Variants in EDA observed in about 807,000 individuals in gnomAD.
The protein encoded by EDA is ectodysplasin A.
Under a neutral mutation model 23.6 loss-of-function variants are expected in EDA, and 2 were observed. That is an observed-to-expected ratio of 0.08 (90% CI 0.03 to 0.27). The LOEUF is 0.27. Among genes scored for constraint, EDA ranks in the 10% least tolerant of loss-of-function variants. EDA has a pLI of 1.00. For missense variants in EDA, 229 were observed against 324.2 expected, an observed-to-expected ratio of 0.71 and a Z score of 2.26; for synonymous variants, 131 against 132.0, an observed-to-expected ratio of 0.99 and a Z score of 0.05.
At chrX:70,032,542 C>A (rs191483151) in intron 6 of EDA, among the ~76,000 whole-genome samples, 4 of 111,686 alleles carry the variant, frequency 3.6e-5, no homozygotes, top group Non-Finnish European at 3.8e-5. Flanking sequence ...GTCCTCCTCT[C>A]ATGGTGGGAA....
intron 1 of EDA, among the ~76,000 whole-genome samples, chrX:69,828,114 A>G: frequency 9.0e-6 from 1 of 110,938 alleles, no homozygotes; most frequent in Non-Finnish European, 1.9e-5. Flanking sequence ...GCTGTCAGAC[A>G]GGGACATTTA....
At chrX:69,697,965 G>A (rs891544179) in intron 1 of EDA, among the ~76,000 whole-genome samples, 1 of 112,032 alleles carries the variant, frequency 8.9e-6, no homozygotes, top group African/African-American at 3.2e-5. Flanking sequence ...CATGCATTTG[G>A]TTTTGTTGTT....
intron 1 of EDA, among the ~76,000 whole-genome samples, chrX:69,941,756 A>AT (rs2018761538): frequency 9.0e-6 from 1 of 111,065 alleles, no homozygotes; most frequent in African/African-American, 3.3e-5. Flanking sequence ...TTGATTGAAG[A>AT]TTTTAGTCCA....
At chrX:69,768,611 C>T (rs1370333234) in intron 1 of EDA, among the ~76,000 whole-genome samples, 2 of 111,220 alleles carry the variant, frequency 1.8e-5, no homozygotes, top group Non-Finnish European at 3.8e-5. Context: ...TATATTAAGT[C>T]CCAAAAAAGT....
At chrX:69,915,449 CA>C (rs1198526764) in intron 1 of EDA, among the ~76,000 whole-genome samples, 1 of 110,382 alleles carries the variant, frequency 9.1e-6, no homozygotes, top group Non-Finnish European at 1.9e-5. Flanking sequence ...ACTAAAAATA[CA>C]AAATTAGCCG....
chrX:69,802,485 G>A (rs6625512), intron 1 of EDA, among the ~76,000 whole-genome samples: 19,287 of 109,974 alleles, frequency 0.18, 2,452 homozygotes, highest in East Asian at 0.7. Flanking sequence ...AACTATATTC[G>A]TAATGTTTTA....
At chrX:69,681,117 G>A (rs1431249837) in intron 1 of EDA, among the ~76,000 whole-genome samples, 4 of 111,033 alleles carry the variant, frequency 3.6e-5, no homozygotes, top group Admixed American at 9.6e-5. Flanking sequence ...CTGGGTTGAA[G>A]ATTCTTTTCT....
At chrX:69,818,324 A>C (rs1409102471) in intron 1 of EDA, among the ~76,000 whole-genome samples, 1 of 111,347 alleles carries the variant, frequency 9.0e-6, no homozygotes, top group Non-Finnish European at 1.9e-5. Flanking sequence ...GAGAACCAAG[A>C]GCAATCCAAC....
intron 1 of EDA, among the ~76,000 whole-genome samples, chrX:69,815,855 A>G (rs2016069231): frequency 8.9e-6 from 1 of 112,633 alleles, no homozygotes. Flanking sequence ...TTCTTAGGGC[A>G]GGTCCCTGAT....
chrX:69,914,078 A>G (rs2018307227), intron 1 of EDA, among the ~76,000 whole-genome samples: 1 of 112,444 alleles, frequency 8.9e-6, no homozygotes, highest in Non-Finnish European at 1.9e-5. Context: ...CTTTTGAAAT[A>G]TTGTGAGAAA....
At chrX:70,006,876 A>G (rs1388424440) in intron 2 of EDA, among the ~76,000 whole-genome samples, 2 of 110,741 alleles carry the variant, frequency 1.8e-5, no homozygotes, top group African/African-American at 6.6e-5. Context: ...CTCCTATGTT[A>G]TCTTATAAGA....
At chrX:70,030,656 T>C (rs2020186061) in intron 6 of EDA, 136 bp downstream of exon 6, 6 of 588,101 alleles carry the variant, frequency 1.0e-5, no homozygotes, top group East Asian at 3.6e-5. Flanking sequence ...CTTTGCTCCA[T>C]CATGCCCTCT....
Position 69,667,226 on chromosome X carries a change from C to T in EDA, c.396+50522C>T, listed in dbSNP as rs746789053. ...CTCCCAGGTTCATGCCATTCTCCTG[C>T]CTCAGCCTCCTGAGTAGCTGAGACT... is the stretch of plus-strand genomic sequence containing the variant. On this transcript the variant is annotated intron_variant, in intron 1 of 7. Transcript: ENST00000374552. Among the ~76,000 whole-genome samples, 15 of 106,511 alleles carry T rather than the reference C, an allele frequency of 1.4e-4. No homozygotes were observed. In the Admixed American group the frequency reaches 1.5e-3, roughly 11 times the overall value. The allele number at this position is 106,511 out of a possible 115,157, so 92.5% of individuals were successfully genotyped here.
At chrX:69,710,021 T>C (rs2011913286) in intron 1 of EDA, among the ~76,000 whole-genome samples, 1 of 112,047 alleles carries the variant, frequency 8.9e-6, no homozygotes, top group Non-Finnish European at 1.9e-5. Context: ...TTTGTCAATT[T>C]TGGCTTTTGT....
intron 1 of EDA, among the ~76,000 whole-genome samples, chrX:69,812,721 A>C: frequency 9.0e-6 from 1 of 111,690 alleles, no homozygotes; most frequent in Non-Finnish European, 1.9e-5. Flanking sequence ...CTTCACTAGG[A>C]GGGGAATAAA....
intron 2 of EDA, among the ~76,000 whole-genome samples, chrX:69,992,403 A>G (rs1453153537): frequency 1.8e-5 from 2 of 112,395 alleles, no homozygotes; most frequent in East Asian, 5.6e-4. Context: ...TATTGTCTTT[A>G]TGTTTCTTCA....
In EDA at chrX:69,890,941, G is replaced by A. The variant is rs537534705; in HGVS notation, c.397-66086G>A. The stretch of plus-strand genomic sequence containing the variant: ...CTGCACAGCAAAAGAAACTATCAGC[G>A]GAGTAAACAGACAGCCTACAGAATG... On this transcript the variant is annotated intron_variant, in intron 1 of 7. Transcript: ENST00000374552. Among the ~76,000 whole-genome samples the A allele has an allele frequency of 9.0e-4, 100 of 111,217 alleles. 1 individual carries two copies. The highest frequency in any genetic ancestry group is 1.5e-3 in the Non-Finnish European group (82 of 52,997).
rs913666123 is a variant in EDA at position 69,667,114 on chromosome X, T to C, written c.396+50410T>C. On this transcript the variant is annotated intron_variant, in intron 1 of 7. Coordinates refer to ENST00000374552, the MANE Select transcript of EDA (RefSeq NM_001399.5). The stretch of plus-strand genomic sequence containing the variant: ...AATAGTCTCTTTTAATTTCTTTTTC[T>C]TTTTCTTTTTTTTTTTTTTTTGAAA... 3.9e-3 allele frequency among the ~76,000 whole-genome samples: 212 copies of C among 53,770 alleles called. 1 individual carries two copies. The highest frequency in any genetic ancestry group is 0.026 in the African/African-American group (196 of 7,495). The allele number at this position is 53,770 out of a possible 115,157, so 46.7% of individuals were successfully genotyped here. A position where few individuals can be genotyped will look rare whatever the true frequency, so the allele number is the denominator to read the frequency against.
Position 69,807,413 on chromosome X carries a change from T to C in EDA, c.397-149614T>C, listed in dbSNP as rs372781965. On this transcript the variant is annotated intron_variant, in intron 1 of 7. Coordinates refer to ENST00000374552, the MANE Select transcript of EDA (RefSeq NM_001399.5). ...TGATGAAGATGATTATAGTTGAATTTACCCCTGGATACTGGATATGGACTA... is the reference window on the plus strand; with the variant it reads ...TGATGAAGATGATTATAGTTGAATTCACCCCTGGATACTGGATATGGACTA... Among the ~76,000 whole-genome samples, 4 of 99,390 alleles carry C rather than the reference T, an allele frequency of 4.0e-5. No homozygotes were observed. In the East Asian group the frequency reaches 1.3e-3, roughly 31 times the overall value. 86.3% of individuals were successfully genotyped at this position (99,390 alleles called of 115,157 possible).
Sources: gnomAD v4.1 joint callset for allele counts (sites outside exome capture counted in the v4.1 genomes callset) on GRCh38, gnomAD v4.1.1 for gene constraint, MANE v1.5 for transcripts, NCBI Gene and HGNC (gene_info 2026-07-23, HGNC 2026-07-21) for gene names.